Variants in LCE1F observed in about 807,000 individuals in gnomAD.
The protein encoded by LCE1F is late cornified envelope 1F.
For synonymous variants in LCE1F, 67 were observed against 59.9 expected, an observed-to-expected ratio of 1.12 and a Z score of -0.55; for missense variants, 154 against 153.5, an observed-to-expected ratio of 1.00 and a Z score of -0.02.
Position 152,776,755 on chromosome 1 carries a change from A to C in LCE1F, c.*27A>C. 6.6e-7 allele frequency: 1 copy of C among 1,520,014 alleles called. No individual in the cohort carries two copies. 94.2% of individuals were successfully genotyped at this position (1,520,014 alleles called of 1,614,324 possible). A position where few individuals can be genotyped will look rare whatever the true frequency, so the allele number is the denominator to read the frequency against. On this transcript the variant is annotated 3_prime_UTR_variant, in exon 2 of 2. Transcript: ENST00000334371. Reference sequence around the variant, plus strand: ...GTGGACCCTGTGCCTAAAAGAGCAGATTTAGAGGCATGAAAGGGGCAACTT... The same window carrying C: ...GTGGACCCTGTGCCTAAAAGAGCAGCTTTAGAGGCATGAAAGGGGCAACTT...
rs137888629 is a variant in LCE1F, at chr1:152,776,464, A to G, written c.93A>G (p.Pro31=). ...PPKCPTPKCP[P]KCPPKCPPVS... The stretch of plus-strand genomic sequence containing the variant: ...AGTGCCCCACACCGAAGTGCCCCCC[A>G]AAGTGTCCCCCTAAGTGCCCTCCTG... Residue 31 remains proline, a synonymous_variant, in exon 2 of 2, where the codon CCA becomes CCG. Coordinates refer to ENST00000334371, the MANE Select transcript of LCE1F (RefSeq NM_178354.3). 14 of 1,593,068 alleles carry G rather than the reference A, an allele frequency of 8.8e-6. No homozygotes were observed. The South Asian group carries it at 1.4e-4, about 16-fold the overall frequency.
In LCE1F at chr1:152,776,420, A is replaced by ACTCCCAAGTGCC. The variant is rs753075893; in HGVS notation, c.63_74dup (p.Pro22_Pro25dup). 3 of 1,607,706 alleles carry ACTCCCAAGTGCC rather than the reference A, an allele frequency of 1.9e-6. No individual in the cohort carries two copies. Among genetic ancestry groups the ACTCCCAAGTGCC allele is most frequent in the East Asian group, 4.5e-5 (2 of 44,602 alleles). On this transcript the variant is annotated inframe_insertion, in exon 2 of 2. Coordinates refer to ENST00000334371, the MANE Select transcript of LCE1F (RefSeq NM_178354.3). The stretch of plus-strand genomic sequence containing the variant: ...GCAGTGCCAGCCCCCTCCCAAGTGC[A>ACTCCCAAGTGCC]CTCCCAAGTGCCCTCCCAAGTGCCC...
At chr1:152,775,579 T>A (rs1304311976) in intron 1 of LCE1F, among the ~76,000 whole-genome samples, 1 of 152,192 alleles carries the variant, frequency 6.6e-6, no homozygotes, top group African/African-American at 2.4e-5. Flanking sequence ...TTAGAAAAGA[T>A]ATGCTGAGAA....
intron 1 of LCE1F, among the ~76,000 whole-genome samples, chr1:152,775,636 G>T (rs1651558661): frequency 6.6e-6 from 1 of 152,192 alleles, no homozygotes; most frequent in South Asian, 2.1e-4. Context: ...TGTGGATCTT[G>T]TTAGATGCCA....
At chr1:152,776,320 C>T in intron 1 of LCE1F, 30 bp from the exon 2 acceptor site, 1 of 1,579,726 alleles carries the variant, frequency 6.3e-7, no homozygotes, top group South Asian at 1.1e-5. Context: ...CCTCTGCCTC[C>T]ATCTAACTTG....
At position 152,776,722 on chromosome 1, in the gene LCE1F, C is replaced by T. The variant is rs1467952906; in HGVS notation, c.351C>T (p.Cys117=). The T allele has an allele frequency of 6.4e-7, 1 of 1,551,490 alleles. No homozygotes were observed. The highest frequency in any genetic ancestry group is 2.0e-5 in the Admixed American group (1 of 50,880). ...GGGSGQHSGG[C]C ...GCAGTGGCCAGCACTCTGGAGGCTGCTGCTGAAGTGGACCCTGTGCCTAAA... is the reference window on the plus strand; with the variant it reads ...GCAGTGGCCAGCACTCTGGAGGCTGTTGCTGAAGTGGACCCTGTGCCTAAA... The change falls in exon 2 of 2, where the codon TGC becomes TGT. Residue 117 remains cysteine, a synonymous_variant. Coordinates refer to ENST00000334371, the MANE Select transcript of LCE1F (RefSeq NM_178354.3).
In LCE1F at chr1:152,776,542, G is replaced by GGGCTGCTGCAGCTCTGGGGGTGGT. The variant is rs769831133; in HGVS notation, c.192_215dup (p.Ser69_Cys76dup). 2.5e-6 allele frequency: 4 copies of GGGCTGCTGCAGCTCTGGGGGTGGT among 1,606,800 alleles called. No individual in the cohort carries two copies. The highest frequency in any genetic ancestry group is 3.3e-5 in the Admixed American group (2 of 59,814). ...GAGGCTGCTGTGGCTCCAGCTCTGGGGGCTGCTGCAGCTCTGGGGGTGGTG... is the reference window on the plus strand; with the variant it reads ...GAGGCTGCTGTGGCTCCAGCTCTGGGGGCTGCTGCAGCTCTGGGGGTGGTGGCTGCTGCAGCTCTGGGGGTGGTG... On this transcript the variant is annotated inframe_insertion, in exon 2 of 2. Coordinates refer to ENST00000334371, the MANE Select transcript of LCE1F (RefSeq NM_178354.3).
In LCE1F at chr1:152,776,297, T is replaced by C. The variant is rs1007775675; in HGVS notation, c.-22-53T>C. ...AGAAATAATGCAGAAAGGACAAGAA[T>C]AGGCAGGGGTGTCCTCTGCCTCCAT... On this transcript the variant is annotated intron_variant, in intron 1 of 1. Coordinates refer to ENST00000334371, the MANE Select transcript of LCE1F (RefSeq NM_178354.3). 4.9e-6 allele frequency: 7 copies of C among 1,417,132 alleles called. No homozygotes were observed. In the African/African-American group the frequency reaches 9.9e-5, roughly 20 times the overall value. The allele number at this position is 1,417,132 out of a possible 1,614,324, so 87.8% of individuals were successfully genotyped here. A position where few individuals can be genotyped will look rare whatever the true frequency, so the allele number is the denominator to read the frequency against.
chr1:152,776,289 G>T lies in LCE1F; in HGVS notation c.-22-61G>T. On this transcript the variant is annotated intron_variant, in intron 1 of 1. Coordinates refer to ENST00000334371, the MANE Select transcript of LCE1F (RefSeq NM_178354.3). ...AAGGATCTAGAAATAATGCAGAAAG[G>T]ACAAGAATAGGCAGGGGTGTCCTCT... 2.8e-6 allele frequency: 4 copies of T among 1,405,186 alleles called. No individual in the cohort carries two copies. The South Asian group carries it at 4.9e-5, about 17-fold the overall frequency. 87.0% of individuals were successfully genotyped at this position (1,405,186 alleles called of 1,614,324 possible). A position where few individuals can be genotyped will look rare whatever the true frequency, so the allele number is the denominator to read the frequency against.
intron 1 of LCE1F, 66 bp from the exon 2 acceptor site, chr1:152,776,284 G>A (rs1651587162): frequency 1.5e-6 from 2 of 1,364,078 alleles, no homozygotes; most frequent in East Asian, 2.3e-5. Flanking sequence ...AAATAATGCA[G>A]AAAGGACAAG....
intron 1 of LCE1F, 85 bp from the exon 2 acceptor site, chr1:152,776,265 A>AG: frequency 2.5e-6 from 3 of 1,181,206 alleles, no homozygotes; most frequent in Non-Finnish European, 3.7e-6. Flanking sequence ...TTCAAAATGA[A>AG]GGATCTAGAA....
chr1:152,776,364 C>T lies in LCE1F; in HGVS notation c.-8C>T. 1.9e-6 allele frequency: 3 copies of T among 1,613,794 alleles called. No individual in the cohort carries two copies. Among genetic ancestry groups the T allele is most frequent in the Non-Finnish European group, 2.5e-6 (3 of 1,179,766 alleles). Reference sequence around the variant, plus strand: ...CCCTCCTTCAGCTCCTGAACACCCGCCACCGAGATGTCTTGCCAGCAGAGC... The same window carrying T: ...CCCTCCTTCAGCTCCTGAACACCCGTCACCGAGATGTCTTGCCAGCAGAGC... On this transcript the variant is annotated 5_prime_UTR_variant, in exon 2 of 2. Transcript: ENST00000334371.
At chr1:152,776,090 G>A (rs2101572614) in intron 1 of LCE1F, among the ~76,000 whole-genome samples, 1 of 152,222 alleles carries the variant, frequency 6.6e-6, no homozygotes, top group East Asian at 1.9e-4. Flanking sequence ...CCACACTTAG[G>A]AGCTTTTAAT....
In LCE1F at chr1:152,776,824, A is replaced by G. The variant is rs1570847729; in HGVS notation, c.*96A>G. 7.2e-7 allele frequency: 1 copy of G among 1,391,938 alleles called. No homozygotes were observed. The highest frequency in any genetic ancestry group is 2.3e-5 in the East Asian group (1 of 42,762). The allele number at this position is 1,391,938 out of a possible 1,614,324, so 86.2% of individuals were successfully genotyped here. ...CTGTGTTGCTGGGACATTTTAGTAA[A>G]GATTTCAAACTCTGTCCTGGAAGAT... On this transcript the variant is annotated 3_prime_UTR_variant, in exon 2 of 2. Coordinates refer to ENST00000334371, the MANE Select transcript of LCE1F (RefSeq NM_178354.3).
intron 1 of LCE1F, among the ~76,000 whole-genome samples, 72 bp downstream of exon 1, chr1:152,775,262 A>G (rs1319401291): frequency 1.3e-5 from 2 of 152,100 alleles, no homozygotes; most frequent in African/African-American, 4.8e-5. Context: ...GAGGGGATGG[A>G]TACTCAGACC....
intron 1 of LCE1F, 87 bp from the exon 2 acceptor site, chr1:152,776,263 G>A: frequency 5.1e-6 from 6 of 1,172,652 alleles, no homozygotes; most frequent in East Asian, 2.4e-5. Flanking sequence ...CTTTCAAAAT[G>A]AAGGATCTAG....
At chr1:152,776,236 CTA>C (rs1027816693) in intron 1 of LCE1F, 112 bp from the exon 2 acceptor site, 3 of 921,170 alleles carry the variant, frequency 3.3e-6, no homozygotes, top group Non-Finnish European at 5.0e-6. Context: ...GGTGATTTTC[CTA>C]TGTTTGATAT....
rs573519221 is a variant in LCE1F, at chr1:152,776,515, C to T, written c.144C>T (p.Ser48=). 8.7e-6 allele frequency: 14 copies of T among 1,613,344 alleles called. No individual in the cohort carries two copies. The highest frequency in any genetic ancestry group is 1.7e-4 in the Middle Eastern group (1 of 6,036). Residue 48 remains serine (S), a synonymous_variant, in exon 2 of 2, where the codon TCC becomes TCT. Coordinates refer to ENST00000334371, the MANE Select transcript of LCE1F (RefSeq NM_178354.3). ...PPVSSCCSVS[S]GGCCGSSSGG... The stretch of plus-strand genomic sequence containing the variant: ...TCTCTTCCTGCTGCAGCGTCAGCTC[C>T]GGAGGCTGCTGTGGCTCCAGCTCTG...
In LCE1F at chr1:152,776,826, A is replaced by T. The variant is rs1300648847; in HGVS notation, c.*98A>T. ...GTGTTGCTGGGACATTTTAGTAAAG[A>T]TTTCAAACTCTGTCCTGGAAGATTC... On this transcript the variant is annotated 3_prime_UTR_variant, in exon 2 of 2. Transcript: ENST00000334371. 3 of 1,373,714 alleles carry T rather than the reference A, an allele frequency of 2.2e-6. No homozygotes were observed. Among genetic ancestry groups the T allele is most frequent in the South Asian group, 3.0e-5 (2 of 65,756 alleles). The allele number at this position is 1,373,714 out of a possible 1,614,324, so 85.1% of individuals were successfully genotyped here. A position where few individuals can be genotyped will look rare whatever the true frequency, so the allele number is the denominator to read the frequency against.
Sources: allele counts gnomAD v4.1 joint callset (sites outside exome capture counted in the v4.1 genomes callset), GRCh38; gene constraint gnomAD v4.1.1; transcripts MANE v1.5; gene names NCBI Gene and HGNC (gene_info 2026-07-23, HGNC 2026-07-21).